The following CACNA1S variants were observed in gnomAD, a reference collection of about 807,000 sequenced individuals.
CACNA1S encodes voltage-dependent L-type calcium channel subunit alpha-1S.
A neutral mutation model predicts 207.4 loss-of-function variants in CACNA1S; 126 were observed. The observed-to-expected ratio is 0.61, with a 90% CI of 0.53 to 0.70. The LOEUF is 0.70. Ranked by LOEUF, CACNA1S falls within the 30% of genes least tolerant of loss-of-function variation. The probability of loss-of-function intolerance (pLI) is 0.00; values close to 1 mark genes in which losing one functional copy is unlikely to be tolerated. For missense variants in CACNA1S, 2,349 were observed against 2,422.8 expected (o/e 0.97, Z 0.64); for synonymous variants, 960 against 932.7 (o/e 1.03, Z -0.53).
chr1:201,053,641 A>C lies in CACNA1S; in HGVS notation c.3667-54T>G. ...CTGGGGGCAGAACCTCAGAGGGGTA[A>C]GGGGCAGGGCGGGGAGGGAGGTGCA... On this transcript the variant is annotated intron_variant, in intron 29 of 43. Transcript: ENST00000362061. This position sits in a 1 kb window ranked among gnomAD's most constrained non-coding sequence, Gnocchi z 5.1. The C allele has an allele frequency of 2.0e-4, 168 of 847,448 alleles. No individual in the cohort carries two copies. The highest frequency in any genetic ancestry group is 2.7e-4 in the Non-Finnish European group (150 of 545,736). 52.5% of individuals were successfully genotyped at this position (847,448 alleles called of 1,614,324 possible).
chr1:201,072,498 C>G (rs529927528), intron 16 of CACNA1S, among the ~76,000 whole-genome samples: 13 of 152,284 alleles, frequency 8.5e-5, no homozygotes, highest in Non-Finnish European at 1.5e-4. Flanking sequence ...CAGTGAGGCA[C>G]ATAGCTGGCA....
At position 201,088,301 on chromosome 1, in the gene CACNA1S, C is replaced by T. The variant is rs531151325; in HGVS notation, c.901-372G>A. Among the ~76,000 whole-genome samples, 83 of 152,300 alleles carry T rather than the reference C, an allele frequency of 5.4e-4. 1 individual carries two copies. The South Asian group carries it at 8.3e-3, about 15-fold the overall frequency. ...TTCAAATGAACAACGTCTGTGACCC[C>T]GGACAAGTCACCTAACATCTCTGAG... On this transcript the variant is annotated intron_variant, in intron 6 of 43. Coordinates refer to ENST00000362061, the MANE Select transcript of CACNA1S (RefSeq NM_000069.3).
At chr1:201,042,152 T>G (rs1294037195) in intron 40 of CACNA1S, among the ~76,000 whole-genome samples, 2 of 152,186 alleles carry the variant, frequency 1.3e-5, no homozygotes, top group Non-Finnish European at 2.9e-5. Context: ...GTTTTGTTTT[T>G]TTGAGACGGA....
intron 16 of CACNA1S, among the ~76,000 whole-genome samples, chr1:201,071,262 G>T (rs1332763919): frequency 2.6e-5 from 4 of 152,018 alleles, no homozygotes. Flanking sequence ...CTCCATCATG[G>T]CCACCTGTAG....
At chr1:201,072,394 G>A (rs1430725973) in intron 16 of CACNA1S, among the ~76,000 whole-genome samples, 1 of 152,084 alleles carries the variant, frequency 6.6e-6, no homozygotes, top group Non-Finnish European at 1.5e-5. Flanking sequence ...CGACATATAT[G>A]GGCGTGTCCT....
Position 201,085,462 on chromosome 1 carries a change from A to T in CACNA1S, c.1124T>A (p.Val375Asp). ...TTCTCTGAAGTCCTCAACATCCATG[A>T]CCTCGCCCTGCGTGATCCAGCTCAT... ...GYMSWITQGEVMDVEDFREGK... is the reference protein window; with the variant it reads ...GYMSWITQGEDMDVEDFREGK... Residue 375 changes from valine (V) to aspartate (D), a missense_variant, in exon 8 of 44, where the codon GTC (valine) becomes GAC (aspartate). Transcript: ENST00000362061. 2.5e-6 allele frequency: 4 copies of T among 1,611,694 alleles called. No homozygotes were observed. The highest frequency in any genetic ancestry group is 3.4e-6 in the Non-Finnish European group (4 of 1,179,642).
chr1:201,058,614 T>G, intron 27 of CACNA1S, 123 bp from the exon 28 acceptor site: 1 of 726,902 alleles, frequency 1.4e-6, no homozygotes. Flanking sequence ...CAAGGTGGGG[T>G]GCCCATGACT....
chr1:201,092,456 A>G (rs997532332), intron 3 of CACNA1S, among the ~76,000 whole-genome samples: 14 of 152,132 alleles, frequency 9.2e-5, no homozygotes, highest in African/African-American at 3.1e-4. Context: ...GGTTACCTGT[A>G]CATAGTCAGT....
chr1:201,052,097 C>T (rs566196178), intron 32 of CACNA1S, among the ~76,000 whole-genome samples: 20 of 152,228 alleles, frequency 1.3e-4, no homozygotes, highest in African/African-American at 4.8e-4. Flanking sequence ...CCAGGATCCT[C>T]GGTTGCAATC....
intron 6 of CACNA1S, among the ~76,000 whole-genome samples, chr1:201,088,369 C>T (rs1176694250): frequency 2.0e-5 from 3 of 152,238 alleles, no homozygotes; most frequent in Non-Finnish European, 4.4e-5. Context: ...CATGGGCTGT[C>T]TCTCCTCACA....
At chr1:201,074,704 A>C in intron 13 of CACNA1S, 84 bp from the exon 14 acceptor site, 3 of 822,964 alleles carry the variant, frequency 3.6e-6, no homozygotes. Flanking sequence ...GCATGTGGGC[A>C]GGACCTAACC....
intron 2 of CACNA1S, among the ~76,000 whole-genome samples, chr1:201,095,310 A>G (rs1662384180): frequency 6.6e-6 from 1 of 152,106 alleles, no homozygotes; most frequent in African/African-American, 2.4e-5. Flanking sequence ...ACTCACACCC[A>G]TGGAAGCATC....
intron 26 of CACNA1S, 21 bp from the exon 27 acceptor site, chr1:201,059,320 C>T (rs1160678344): frequency 1.3e-6 from 2 of 1,548,418 alleles, no homozygotes; most frequent in East Asian, 2.2e-5. Flanking sequence ...GACACAGGAG[C>T]AGTGGGTCAG....
intron 35 of CACNA1S, 118 bp downstream of exon 35, chr1:201,048,885 G>T (rs1660559344): frequency 4.4e-6 from 4 of 906,378 alleles, no homozygotes. Context: ...GAGGAACTTG[G>T]GGACCCAGGA....
At chr1:201,096,620 A>C (rs968434254) in intron 2 of CACNA1S, among the ~76,000 whole-genome samples, 5 of 152,202 alleles carry the variant, frequency 3.3e-5, no homozygotes, top group Non-Finnish European at 7.3e-5. Context: ...GACGGTTTTC[A>C]CCAGCTCTGC....
rs1409834166 is a variant in CACNA1S at position 201,040,192 on chromosome 1, C to T, written c.5370+39G>A. 5.0e-6 allele frequency: 8 copies of T among 1,612,572 alleles called. No homozygotes were observed. In the East Asian group the frequency reaches 1.3e-4, roughly 27 times the overall value. ...ACGCCAGGCCATCACAGGGCCACCA[C>T]TCAATGCAGCCACTGCTGTGACCCA... is the stretch of plus-strand genomic sequence containing the variant. On this transcript the variant is annotated intron_variant, in intron 43 of 43. Coordinates refer to ENST00000362061, the MANE Select transcript of CACNA1S (RefSeq NM_000069.3).
chr1:201,103,040 T>C (rs537107633), intron 2 of CACNA1S, among the ~76,000 whole-genome samples: 2 of 152,150 alleles, frequency 1.3e-5, no homozygotes, highest in South Asian at 2.1e-4. Flanking sequence ...AGAAAGATAT[T>C]GTGGACCAGC....
rs11809992 is a variant in CACNA1S at position 201,050,591 on chromosome 1, T to C, written c.4114-75A>G. On this transcript the variant is annotated intron_variant, in intron 33 of 43. Coordinates refer to ENST00000362061, the MANE Select transcript of CACNA1S (RefSeq NM_000069.3). ...GGGTTAGGGTGGGGGAGCTGGGAGG[T>C]GTCCACTGGCCCACAACTTCTCGCT... The C allele has an allele frequency of 9.6e-4, 1,516 of 1,573,306 alleles. 16 individuals are homozygous for C. The African/African-American group carries it at 0.018, about 19-fold the overall frequency.
chr1:201,044,588 G>A, intron 38 of CACNA1S, 132 bp from the exon 39 acceptor site: 1 of 1,017,692 alleles, frequency 9.8e-7, no homozygotes, highest in Admixed American at 2.1e-5. Context: ...TGAGCTCACT[G>A]TAACCTCTGC....
Sources: gnomAD v4.1 joint callset for allele counts (sites outside exome capture counted in the v4.1 genomes callset) on GRCh38, gnomAD v4.1.1 for gene constraint, Gnocchi (gnomAD v3.1) non-coding constraint, MANE v1.5 for transcripts, NCBI Gene and HGNC (gene_info 2026-07-23, HGNC 2026-07-21) for gene names.